Variants in DOCK7 observed in about 807,000 individuals in gnomAD.
The protein encoded by DOCK7 is dedicator of cytokinesis 7, also known as dedicator of cytokinesis protein 7.
A neutral mutation model predicts 271.0 loss-of-function variants in DOCK7; 138 were observed. That is an observed-to-expected ratio of 0.51 (90% confidence interval 0.44 to 0.59). The LOEUF is 0.59. Ranked by LOEUF, DOCK7 falls within the 20% of genes least tolerant of loss-of-function variation. DOCK7 has a pLI of 0.00. For missense variants in DOCK7, 2,066 were observed against 2,592.4 expected (o/e 0.80, Z 4.41); for synonymous variants, 823 against 876.1 (o/e 0.94, Z 1.07).
intron 43 of DOCK7, chr1:62,478,697 G>A (rs1646034027): frequency 6.6e-6 from 1 of 152,032 alleles, no homozygotes; most frequent in African/African-American, 2.4e-5. Context: ...ATAGGCGTGA[G>A]CCACCGCACC....
chr1:62,676,078 A>T (rs1660521132), intron 1 of DOCK7, among the ~76,000 whole-genome samples: 1 of 152,228 alleles, frequency 6.6e-6, no homozygotes, highest in Non-Finnish European at 1.5e-5. Context: ...GCCTTCAAAC[A>T]AAAGTTTTAT....
chr1:62,680,383 G>T (rs1029231965), intron 1 of DOCK7, among the ~76,000 whole-genome samples: 56 of 152,020 alleles, frequency 3.7e-4, no homozygotes, highest in African/African-American at 1.3e-3. Context: ...ATACAAAACT[G>T]AATTCAAGAT....
intron 1 of DOCK7, among the ~76,000 whole-genome samples, chr1:62,672,620 G>A (rs1372835609): frequency 6.6e-6 from 1 of 152,072 alleles, no homozygotes; most frequent in African/African-American, 2.4e-5. Flanking sequence ...TCACTAGAAT[G>A]TAAGTTCTAT....
intron 48 of DOCK7, among the ~76,000 whole-genome samples, chr1:62,462,885 G>C (rs1645570058): frequency 1.4e-5 from 2 of 142,720 alleles, no homozygotes; most frequent in Admixed American, 1.4e-4. Context: ...ACCGGCTCTT[G>C]CAGGCACATT....
intron 31 of DOCK7, among the ~76,000 whole-genome samples, chr1:62,516,424 C>T (rs1644663553): frequency 6.6e-6 from 1 of 152,174 alleles, no homozygotes; most frequent in Admixed American, 6.5e-5. Context: ...ACATTGATAG[C>T]AAGGACCACT....
At chr1:62,520,617 G>A (rs1644819083) in intron 31 of DOCK7, among the ~76,000 whole-genome samples, 1 of 152,188 alleles carries the variant, frequency 6.6e-6, no homozygotes, top group South Asian at 2.1e-4. Flanking sequence ...ATGCTGGAAA[G>A]GATGTGGAGA....
intron 43 of DOCK7, chr1:62,484,267 G>C (rs913470891): frequency 6.6e-6 from 1 of 151,756 alleles, no homozygotes; most frequent in African/African-American, 2.4e-5. Flanking sequence ...TATTTCCTTA[G>C]GGATCTAGTA....
intron 14 of DOCK7, 49 bp from the exon 15 acceptor site, chr1:62,586,673 C>A: frequency 8.9e-7 from 1 of 1,119,192 alleles, no homozygotes; most frequent in Non-Finnish European, 1.3e-6. Flanking sequence ...CTAAGAAACA[C>A]TATGTATCAC....
chr1:62,499,389 A>C (rs1451600201), intron 37 of DOCK7, among the ~76,000 whole-genome samples: 3 of 151,962 alleles, frequency 2.0e-5, no homozygotes, highest in Non-Finnish European at 4.4e-5. Flanking sequence ...AATAGAAAAA[A>C]CCCCACAAAC....
chr1:62,466,187 GT>G (rs998943461), intron 48 of DOCK7, among the ~76,000 whole-genome samples: 15 of 151,096 alleles, frequency 9.9e-5, no homozygotes, highest in Admixed American at 5.3e-4. Context: ...GCCTGAACAG[GT>G]TTTTTTTTGT....
intron 17 of DOCK7, among the ~76,000 whole-genome samples, chr1:62,577,709 T>C (rs952889262): frequency 6.6e-6 from 1 of 152,218 alleles, no homozygotes; most frequent in Non-Finnish European, 1.5e-5. Flanking sequence ...AAATAATTGA[T>C]TGAGACAGGA....
chr1:62,679,264 T>TA (rs1256203931), intron 1 of DOCK7, among the ~76,000 whole-genome samples: 1 of 151,860 alleles, frequency 6.6e-6, no homozygotes, highest in African/African-American at 2.4e-5. Flanking sequence ...CAATAACCAT[T>TA]AAAAAAGACT....
intron 15 of DOCK7, chr1:62,584,593 C>G (rs1328730238): frequency 6.5e-6 from 8 of 1,233,582 alleles, no homozygotes; most frequent in Non-Finnish European, 8.1e-6. Context: ...CATAATATGA[C>G]ATAAAGCAGA....
intron 4 of DOCK7, among the ~76,000 whole-genome samples, chr1:62,652,366 C>T (rs1055188490): frequency 1.3e-5 from 2 of 152,016 alleles, no homozygotes; most frequent in Non-Finnish European, 2.9e-5. Flanking sequence ...TTCCACTTAC[C>T]AGTGCATATA....
intron 4 of DOCK7, among the ~76,000 whole-genome samples, chr1:62,650,458 C>G (rs1185728455): frequency 6.6e-6 from 1 of 152,102 alleles, no homozygotes; most frequent in African/African-American, 2.4e-5. Flanking sequence ...TCTAATTAAA[C>G]TAAAGAGCTT....
At chr1:62,504,876 G>T in intron 36 of DOCK7, 94 bp from the exon 37 acceptor site, 1 of 1,386,256 alleles carries the variant, frequency 7.2e-7, no homozygotes, top group Non-Finnish European at 9.7e-7. Context: ...TGTTAGTATA[G>T]CCCAGAAATT....
chr1:62,680,731 A>C (rs1371160242), intron 1 of DOCK7, among the ~76,000 whole-genome samples: 1 of 151,938 alleles, frequency 6.6e-6, no homozygotes, highest in Non-Finnish European at 1.5e-5. Flanking sequence ...AAAGGATATG[A>C]ACAGACACTT....
chr1:62,474,838 A>G (rs906462387), intron 47 of DOCK7, among the ~76,000 whole-genome samples: 1 of 152,208 alleles, frequency 6.6e-6, no homozygotes, highest in African/African-American at 2.4e-5. Context: ...TCTTGTGTCA[A>G]TATATTTTTC....
chr1:62,526,931 A>G (rs566626726), intron 31 of DOCK7, among the ~76,000 whole-genome samples: 70 of 152,316 alleles, frequency 4.6e-4, no homozygotes, highest in African/African-American at 1.6e-3. Context: ...AACGACTGCT[A>G]ATAGGTATAA....
Sources: gnomAD v4.1 joint callset for allele counts (sites outside exome capture counted in the v4.1 genomes callset) on GRCh38, gnomAD v4.1.1 for gene constraint, MANE v1.5 for transcripts, NCBI Gene and HGNC (gene_info 2026-07-23, HGNC 2026-07-21) for gene names.